Variants in RAPH1 observed in about 807,000 individuals in gnomAD.
RAPH1 encodes ras-associated and pleckstrin homology domains-containing protein 1.
RAPH1 carries 18 observed loss-of-function variants against 88.1 expected under a neutral mutation model. The observed-to-expected ratio is 0.20, with a 90% CI of 0.14 to 0.30. The LOEUF is 0.30. RAPH1 is among the 10% of genes least tolerant of loss of function. The pLI, the probability that RAPH1 is intolerant of heterozygous loss-of-function variation, is 1.00. For synonymous variants in RAPH1, 587 were observed against 559.0 expected (o/e 1.05, Z -0.71); for missense variants, 1,448 against 1,543.2 (o/e 0.94, Z 1.03).
chr2:203,520,701 T>C (rs1170958620), intron 1 of RAPH1, among the ~76,000 whole-genome samples: 1 of 150,858 alleles, frequency 6.6e-6, no homozygotes, highest in Non-Finnish European at 1.5e-5. Context: ...CTAAAGAAGG[T>C]TAAAAAAAAG....
rs564820280 is a variant in RAPH1 at position 203,461,886 on chromosome 2, C to T, written c.772G>A (p.Val258Ile). Reference protein sequence around the residue: ...AAKLKAEKIRVALEKIKEAQV... With the variant: ...AAKLKAEKIRIALEKIKEAQV... Reference sequence around the variant, plus strand: ...GCCTCTTTAATTTTCTCTAGGGCAACTCTGATCTTCTCAGCTTTCAATTTT... The same window carrying T: ...GCCTCTTTAATTTTCTCTAGGGCAATTCTGATCTTCTCAGCTTTCAATTTT... The change falls in exon 5 of 14, where the codon GTT becomes ATT. Residue 258 changes from valine to isoleucine, a missense_variant. Transcript: ENST00000319170. The T allele has an allele frequency of 6.2e-7, 1 of 1,610,116 alleles. No individual in the cohort carries two copies. Among genetic ancestry groups the T allele is most frequent in the African/African-American group, 1.3e-5 (1 of 74,904 alleles).
At chr2:203,487,529 C>T (rs146902012) in intron 4 of RAPH1, among the ~76,000 whole-genome samples, 4,039 of 152,118 alleles carry the variant, frequency 0.027, 88 homozygotes, top group Non-Finnish European at 0.037. Context: ...TACAGGCATG[C>T]GCCACCACAT....
At chr2:203,511,069 G>C (rs1238682709) in intron 1 of RAPH1, among the ~76,000 whole-genome samples, 1 of 151,904 alleles carries the variant, frequency 6.6e-6, no homozygotes, top group Non-Finnish European at 1.5e-5. Flanking sequence ...TGTATTATGT[G>C]GTGGTTACTG....
chr2:203,496,050 C>T (rs944845573), intron 1 of RAPH1, among the ~76,000 whole-genome samples: 4 of 152,216 alleles, frequency 2.6e-5, no homozygotes, highest in Non-Finnish European at 5.9e-5. Flanking sequence ...AAATTATCTT[C>T]CTTCTTCCCA....
intron 8 of RAPH1, 85 bp from the exon 9 acceptor site, chr2:203,455,665 A>G (rs903320449): frequency 2.3e-6 from 3 of 1,316,330 alleles, no homozygotes; most frequent in Non-Finnish European, 3.2e-6. Context: ...AATGCATGAC[A>G]GTTATTAAAC....
At chr2:203,502,968 T>C (rs546755325) in intron 1 of RAPH1, among the ~76,000 whole-genome samples, 36 of 151,794 alleles carry the variant, frequency 2.4e-4, no homozygotes, top group Middle Eastern at 6.8e-3. Context: ...GGTGAAACCC[T>C]ATCTCTACTA....
rs1455063737 is a variant in RAPH1, at chr2:203,438,714, T to G, written c.*723A>C. On this transcript the variant is annotated 3_prime_UTR_variant, in exon 14 of 14. Transcript: ENST00000319170. Reference sequence around the variant, plus strand: ...TGTGGGTGGATCACTGCAGCAGTACTGCAGCTAGAACAGCTGAGTTAATTA... The same window carrying G: ...TGTGGGTGGATCACTGCAGCAGTACGGCAGCTAGAACAGCTGAGTTAATTA... The G allele has an allele frequency of 6.4e-6, 1 of 156,116 alleles. No individual in the cohort carries two copies. 9.7% of individuals were successfully genotyped at this position (156,116 alleles called of 1,614,324 possible). A position where few individuals can be genotyped will look rare whatever the true frequency, so the allele number is the denominator to read the frequency against.
chr2:203,480,767 C>G (rs1418408131), intron 4 of RAPH1, among the ~76,000 whole-genome samples: 1 of 152,266 alleles, frequency 6.6e-6, no homozygotes, highest in South Asian at 2.1e-4. Context: ...TACTGACACA[C>G]GTATGCATTT....
chr2:203,440,768 G>GTGCC lies in RAPH1; in HGVS notation c.2421_2422insGGCA (p.Pro808GlyfsTer116). 1 of 1,611,586 alleles carries GTGCC rather than the reference G, an allele frequency of 6.2e-7. No individual in the cohort carries two copies. Among genetic ancestry groups the GTGCC allele is most frequent in the Non-Finnish European group, 8.5e-7 (1 of 1,179,202 alleles). ...TGCTTTTTTGCTGGGGGCACTGGAGGAGTAGGTGTGGGTGGTGCAGCTTGA... is the reference window on the plus strand; with the variant it reads ...TGCTTTTTTGCTGGGGGCACTGGAGGTGCCAGTAGGTGTGGGTGGTGCAGCTTGA... On this transcript the variant is annotated frameshift_variant, in exon 14 of 14. Coordinates refer to ENST00000319170, the MANE Select transcript of RAPH1 (RefSeq NM_213589.3). LOFTEE classifies it low-confidence loss of function (END_TRUNC).
chr2:203,516,066 T>C, intron 1 of RAPH1, among the ~76,000 whole-genome samples: 1 of 152,206 alleles, frequency 6.6e-6, no homozygotes. Context: ...AATATATATA[T>C]GCTTATGTAT....
intron 1 of RAPH1, among the ~76,000 whole-genome samples, chr2:203,506,874 A>C (rs1406672241): frequency 1.9e-4 from 18 of 96,580 alleles, no homozygotes; most frequent in South Asian, 2.8e-4. Flanking sequence ...ATATATATAT[A>C]TATATAGATA....
At position 203,440,012 on chromosome 2, in the gene RAPH1, A is replaced by G; in HGVS notation, c.3178T>C (p.Ser1060Pro). 3 of 1,613,750 alleles carry G rather than the reference A, an allele frequency of 1.9e-6. No homozygotes were observed. The highest frequency in any genetic ancestry group is 2.5e-6 in the Non-Finnish European group (3 of 1,180,006). Residue 1060 changes from serine to proline, a missense_variant, in exon 14 of 14, where the codon TCC (serine) becomes CCC (proline). Coordinates refer to ENST00000319170, the MANE Select transcript of RAPH1 (RefSeq NM_213589.3). ...APVLSGRGKD[S>P]VVEFPSPPSD... ...GGAGGAGAAGGAAATTCCACCACGG[A>G]GTCCTTTCCACGCCCACTCAGAACA...
In RAPH1 at chr2:203,436,856, T is replaced by G. The variant is rs1460383419; in HGVS notation, c.*2581A>C. 6.6e-6 allele frequency: 1 copy of G among 152,126 alleles called. No homozygotes were observed. Among genetic ancestry groups the G allele is most frequent in the Non-Finnish European group, 1.5e-5 (1 of 68,010 alleles). 9.4% of individuals were successfully genotyped at this position (152,126 alleles called of 1,614,324 possible). A position where few individuals can be genotyped will look rare whatever the true frequency, so the allele number is the denominator to read the frequency against. The stretch of plus-strand genomic sequence containing the variant: ...GCTACATCCCAACAAAAATCCAAAT[T>G]AAAGAAAACCCACTAGGGAGTAAAA... On this transcript the variant is annotated 3_prime_UTR_variant, in exon 14 of 14. Coordinates refer to ENST00000319170, the MANE Select transcript of RAPH1 (RefSeq NM_213589.3).
At chr2:203,452,345 C>A (rs2098515617) in intron 10 of RAPH1, among the ~76,000 whole-genome samples, 1 of 152,152 alleles carries the variant, frequency 6.6e-6, no homozygotes, top group Non-Finnish European at 1.5e-5. Flanking sequence ...GATGAAATTA[C>A]CATGCAAAAG....
In RAPH1 at chr2:203,434,056, C is replaced by CTATATATATATATATATATA. The variant is rs372040819; in HGVS notation, c.*5361_*5380dup. 6.9e-6 allele frequency: 1 copy of CTATATATATATATATATATA among 145,646 alleles called. No homozygotes were observed. Among genetic ancestry groups the CTATATATATATATATATATA allele is most frequent in the Non-Finnish European group, 1.5e-5 (1 of 66,496 alleles). The allele number at this position is 145,646 out of a possible 1,614,324, so 9.0% of individuals were successfully genotyped here. On this transcript the variant is annotated 3_prime_UTR_variant, in exon 14 of 14. Coordinates refer to ENST00000319170, the MANE Select transcript of RAPH1 (RefSeq NM_213589.3). ...CTCTCTCATATATCTATCTATCTATCTATATATATATATATATATATATAG... is the reference window on the plus strand; with the variant it reads ...CTCTCTCATATATCTATCTATCTATCTATATATATATATATATATATATATATATATATATATATATATAG...
chr2:203,435,284 A>AT lies in RAPH1; in HGVS notation c.*4152dup, dbSNP rs1276158355. ...AGTGGCTCATGCCTGTAATCTCAGC[A>AT]TTTTGGGAGGCTGAGGCAGGAAGAT... On this transcript the variant is annotated 3_prime_UTR_variant, in exon 14 of 14. Coordinates refer to ENST00000319170, the MANE Select transcript of RAPH1 (RefSeq NM_213589.3). 2 of 151,744 alleles carry AT rather than the reference A, an allele frequency of 1.3e-5. No individual in the cohort carries two copies. The highest frequency in any genetic ancestry group is 2.9e-5 in the Non-Finnish European group (2 of 67,980). The allele number at this position is 151,744 out of a possible 1,614,324, so 9.4% of individuals were successfully genotyped here.
In RAPH1 at chr2:203,440,143, T is replaced by G. The variant is rs753914721; in HGVS notation, c.3047A>C (p.Glu1016Ala). 5.6e-6 allele frequency: 9 copies of G among 1,613,596 alleles called. No homozygotes were observed. The highest frequency in any genetic ancestry group is 1.7e-4 in the Middle Eastern group (1 of 6,060). ...GGGTGCTGCAGGAGGTGGTAGGGTCTCCTTGCTGGGAGACCCTGATTCTGC... is the reference window on the plus strand; with the variant it reads ...GGGTGCTGCAGGAGGTGGTAGGGTCGCCTTGCTGGGAGACCCTGATTCTGC... ...PPAESGSPSK[E>A]TLPPPAAPPK... Residue 1016 changes from glutamate (E) to alanine (A), a missense_variant, in exon 14 of 14, where the codon GAG (glutamate) becomes GCG (alanine). Physicochemically the swap from Glu to Ala is moderately radical, Grantham distance 107. Around this residue, in one of 2 missense-constraint regions of RAPH1, gnomAD observed 935 missense variants for 890.1 expected, o/e 1.05. Coordinates refer to ENST00000319170, the MANE Select transcript of RAPH1 (RefSeq NM_213589.3).
At chr2:203,492,563 AATG>A (rs1475141363) in intron 2 of RAPH1, among the ~76,000 whole-genome samples, 1 of 152,214 alleles carries the variant, frequency 6.6e-6, no homozygotes, top group Non-Finnish European at 1.5e-5. Context: ...TGTAAGTTTA[AATG>A]ATACTCTTCC....
chr2:203,499,527 G>C (rs1238492858), intron 1 of RAPH1, among the ~76,000 whole-genome samples: 1 of 152,024 alleles, frequency 6.6e-6, no homozygotes, highest in African/African-American at 2.4e-5. Flanking sequence ...TTCAAGACTA[G>C]CATGGCCAAG....
Sources: gnomAD v4.1 joint callset for allele counts (sites outside exome capture counted in the v4.1 genomes callset) on GRCh38, gnomAD v4.1.1 for gene constraint, gnomAD v4.1.1 regional missense constraint, MANE v1.5 for transcripts, NCBI Gene and HGNC (gene_info 2026-07-23, HGNC 2026-07-21) for gene names.